SLC17A5: variants seen among roughly 807,000 people sequenced by gnomAD.
SLC17A5 encodes solute carrier family 17 member 5.
A neutral mutation model predicts 59.4 loss-of-function variants in SLC17A5; 47 were observed. The ratio of observed to expected loss-of-function variants is 0.79; its 90% CI spans 0.63 to 1.01. The LOEUF (loss-of-function observed/expected upper bound fraction) is 1.01, where lower values mean the gene tolerates loss of function less well. Among genes scored for constraint, SLC17A5 ranks in the 50% least tolerant of loss-of-function variants. The pLI is 0.00. For synonymous variants in SLC17A5, 202 were observed against 210.7 expected (o/e 0.96, Z 0.36); for missense variants, 522 against 595.5 (o/e 0.88, Z 1.28).
At chr6:73,648,582 G>C (rs1222431030) in intron 1 of SLC17A5, among the ~76,000 whole-genome samples, 1 of 152,196 alleles carries the variant, frequency 6.6e-6, no homozygotes, top group Non-Finnish European at 1.5e-5. Context: ...CCACTGGGCT[G>C]CATGGGGATT....
intron 9 of SLC17A5, among the ~76,000 whole-genome samples, chr6:73,601,460 TG>T (rs201871793): frequency 2.2e-4 from 6 of 26,856 alleles, no homozygotes; most frequent in Non-Finnish European, 3.9e-4. Flanking sequence ...GGGAGGGAGG[TG>T]GGGGGGTCAG....
chr6:73,651,751 C>T (rs1416189635), intron 1 of SLC17A5, among the ~76,000 whole-genome samples: 1 of 151,916 alleles, frequency 6.6e-6, no homozygotes, highest in Non-Finnish European at 1.5e-5. Flanking sequence ...AGGCGTTTCA[C>T]CTTGTTAGCC....
chr6:73,639,166 G>A (rs1158953123), intron 3 of SLC17A5, among the ~76,000 whole-genome samples: 2 of 152,098 alleles, frequency 1.3e-5, no homozygotes, highest in Non-Finnish European at 2.9e-5. Flanking sequence ...TACTGACACG[G>A]AGAGCTAACA....
Position 73,641,637 on chromosome 6 carries a change from A to G in SLC17A5, c.525+54T>C, listed in dbSNP as rs570213413. 22 of 1,289,492 alleles carry G rather than the reference A, an allele frequency of 1.7e-5. No individual in the cohort carries two copies. The African/African-American group carries it at 2.1e-4, about 12-fold the overall frequency. The allele number at this position is 1,289,492 out of a possible 1,614,324, so 79.9% of individuals were successfully genotyped here. On this transcript the variant is annotated intron_variant, in intron 3 of 10. Transcript: ENST00000355773. ...ATACCAAAGAATGACATCTTTAAGA[A>G]GAAGAGAAGGAGACACACGGTAAGA...
rs1474436091 is a variant in SLC17A5 at position 73,634,748 on chromosome 6, A to G, written c.819+634T>C. On this transcript the variant is annotated intron_variant, in intron 6 of 10. Transcript: ENST00000355773. Reference sequence around the variant, plus strand: ...AAAATCTGAACTCTGAAATGCTCCAATGAGCATTTCCTTTGAGCATCATGT... The same window carrying G: ...AAAATCTGAACTCTGAAATGCTCCAGTGAGCATTTCCTTTGAGCATCATGT... 5.3e-5 allele frequency among the ~76,000 whole-genome samples: 8 copies of G among 152,166 alleles called. No homozygotes were observed. In the South Asian group the frequency reaches 6.2e-4, roughly 12 times the overall value.
chr6:73,603,423 T>G lies in SLC17A5; in HGVS notation c.1260-2982A>C, dbSNP rs1581957423. 3.4e-5 allele frequency among the ~76,000 whole-genome samples: 5 copies of G among 147,518 alleles called. No individual in the cohort carries two copies. The East Asian group carries it at 9.8e-4, about 29-fold the overall frequency. On this transcript the variant is annotated intron_variant, in intron 9 of 10. Coordinates refer to ENST00000355773, the MANE Select transcript of SLC17A5 (RefSeq NM_012434.5). ...TTCATTTTTAAAATTGCTGCCTCTT[T>G]TTTTTTTTTTTTTTGAGACAGAGTT...
At chr6:73,628,536 T>A (rs886104655) in intron 6 of SLC17A5, among the ~76,000 whole-genome samples, 1 of 151,852 alleles carries the variant, frequency 6.6e-6, no homozygotes, top group Non-Finnish European at 1.5e-5. Flanking sequence ...GTGCCACTGC[T>A]CTCCAGCTTG....
chr6:73,653,952 A>C lies in SLC17A5; in HGVS notation c.-66T>G. ...AGGGAGCGCCGGCCCGACAGCCCGA[A>C]GCCCCCGGGCCGAGCTGGCTGGACC... On this transcript the variant is annotated 5_prime_UTR_variant, in exon 1 of 11. Transcript: ENST00000355773. 7.3e-7 allele frequency: 1 copy of C among 1,376,882 alleles called. No individual in the cohort carries two copies. Among genetic ancestry groups the C allele is most frequent in the East Asian group, 2.7e-5 (1 of 36,968 alleles). 85.3% of individuals were successfully genotyped at this position (1,376,882 alleles called of 1,614,324 possible).
chr6:73,653,060 A>T (rs1236567282), intron 1 of SLC17A5: 9 of 985,338 alleles, frequency 9.1e-6, no homozygotes, highest in Non-Finnish European at 1.1e-5. Flanking sequence ...ATTACTTTAG[A>T]ACTCCATAGG....
intron 10 of SLC17A5, among the ~76,000 whole-genome samples, chr6:73,599,076 G>T (rs1418598861): frequency 6.6e-6 from 1 of 152,118 alleles, no homozygotes; most frequent in Non-Finnish European, 1.5e-5. Context: ...CAGCTACCTG[G>T]GAGGCTGAGG....
intron 9 of SLC17A5, among the ~76,000 whole-genome samples, chr6:73,603,076 T>A (rs941596857): frequency 6.6e-6 from 1 of 152,200 alleles, no homozygotes; most frequent in Non-Finnish European, 1.5e-5. Context: ...TCTGTATATA[T>A]TTCTAGTATG....
chr6:73,642,778 A>C (rs1769346032), intron 2 of SLC17A5, among the ~76,000 whole-genome samples: 1 of 152,254 alleles, frequency 6.6e-6, no homozygotes, highest in Non-Finnish European at 1.5e-5. Flanking sequence ...GATATAAGGC[A>C]GATGAAGATA....
At chr6:73,649,755 G>GT (rs35169249) in intron 1 of SLC17A5, among the ~76,000 whole-genome samples, 92 of 151,634 alleles carry the variant, frequency 6.1e-4, no homozygotes, top group African/African-American at 1.8e-3. Context: ...ATTATTATGG[G>GT]TTTTTTTTTC....
intron 9 of SLC17A5, among the ~76,000 whole-genome samples, chr6:73,609,193 G>C (rs928210268): frequency 6.6e-6 from 1 of 151,990 alleles, no homozygotes. Context: ...AAAACTTTTG[G>C]GTTAAAATAT....
intron 1 of SLC17A5, chr6:73,653,442 C>G (rs1769963509): frequency 1.0e-6 from 1 of 985,312 alleles, no homozygotes; most frequent in South Asian, 4.7e-5. Flanking sequence ...TCCACTGGGT[C>G]CCTTGCTCAG....
rs1358327472 is a variant in SLC17A5 at position 73,648,341 on chromosome 6, A to T, written c.95-3738T>A. On this transcript the variant is annotated intron_variant, in intron 1 of 10. Coordinates refer to ENST00000355773, the MANE Select transcript of SLC17A5 (RefSeq NM_012434.5). Reference sequence around the variant, plus strand: ...TGAGCATCAAGTTCAAAGCAAAATCATGCTTGCATAAGGAACATGGCACCC... The same window carrying T: ...TGAGCATCAAGTTCAAAGCAAAATCTTGCTTGCATAAGGAACATGGCACCC... Among the ~76,000 whole-genome samples the T allele has an allele frequency of 3.9e-5, 6 of 152,254 alleles. No homozygotes were observed. The East Asian group carries it at 1.2e-3, about 29-fold the overall frequency.
At chr6:73,645,682 G>A (rs544115209) in intron 1 of SLC17A5, among the ~76,000 whole-genome samples, 2 of 151,942 alleles carry the variant, frequency 1.3e-5, no homozygotes, top group African/African-American at 2.4e-5. Context: ...CAGCTACTCG[G>A]GAGGCTGAGG....
At chr6:73,611,048 G>C (rs1000668251) in intron 8 of SLC17A5, among the ~76,000 whole-genome samples, 1 of 152,182 alleles carries the variant, frequency 6.6e-6, no homozygotes, top group East Asian at 1.9e-4. Context: ...TTTGAGGCCA[G>C]CCTGGGCAAC....
intron 1 of SLC17A5, chr6:73,653,369 A>G (rs1769959969): frequency 2.4e-5 from 24 of 985,414 alleles, no homozygotes; most frequent in Non-Finnish European, 2.9e-5. Flanking sequence ...GTTTGCTCTT[A>G]CACCGGGGTC....
Sources: gnomAD v4.1 joint callset for allele counts (sites outside exome capture counted in the v4.1 genomes callset) on GRCh38, gnomAD v4.1.1 for gene constraint, MANE v1.5 for transcripts, NCBI Gene and HGNC (gene_info 2026-07-23, HGNC 2026-07-21) for gene names.